SAMTOR: variants seen among roughly 807,000 people sequenced by gnomAD.
SAMTOR encodes S-adenosylmethionine sensor upstream of mTORC1.
chr7:112,877,942 C>T, the SAMTOR span, among the ~76,000 whole-genome samples: 8 of 152,136 alleles, frequency 5.3e-5, no homozygotes, highest in Non-Finnish European at 7.3e-5. Flanking sequence ...TGTTATGCTT[C>T]TTATATAGCC....
chr7:112,878,389 A>C, the SAMTOR span, among the ~76,000 whole-genome samples: 1 of 152,110 alleles, frequency 6.6e-6, no homozygotes, highest in East Asian at 1.9e-4. Context: ...TGAATATAAA[A>C]ATTCTTTGCA....
the SAMTOR span, among the ~76,000 whole-genome samples, chr7:112,839,328 T>C: frequency 3.3e-5 from 5 of 151,822 alleles, no homozygotes; most frequent in African/African-American, 4.8e-5. Flanking sequence ...AACCAATATA[T>C]TTGAGCAAGA....
chr7:112,842,653 T>C, the SAMTOR span, among the ~76,000 whole-genome samples: 1 of 151,982 alleles, frequency 6.6e-6, no homozygotes, highest in South Asian at 2.1e-4. Flanking sequence ...CAGCATAAAA[T>C]CAGTTTGTGA....
At chr7:112,905,672 A>T in the SAMTOR span, among the ~76,000 whole-genome samples, 1 of 152,156 alleles carries the variant, frequency 6.6e-6, no homozygotes, top group Non-Finnish European at 1.5e-5. Flanking sequence ...AGAAGAAAAC[A>T]CATTTATTCT....
the SAMTOR span, among the ~76,000 whole-genome samples, chr7:112,927,592 CAGAGAGAAAGAG>C: frequency 2.6e-5 from 4 of 151,666 alleles, no homozygotes; most frequent in Non-Finnish European, 5.9e-5. Flanking sequence ...AAAAGTGAGA[CAGAGAGAAAGAG>C]AGAGAGAAAG....
chr7:112,847,778 C>CAAAAAAAAAAAAAAAAAAAAAAAAA, the SAMTOR span, among the ~76,000 whole-genome samples: 1 of 151,368 alleles, frequency 6.6e-6, no homozygotes, highest in African/African-American at 2.5e-5. Context: ...AACTCTGTCT[C>CAAAAAAAAAAAAAAAAAAAAAAAAA]AAAAGAAAAG....
At chr7:112,899,736 T>C in the SAMTOR span, among the ~76,000 whole-genome samples, 2 of 138,902 alleles carry the variant, frequency 1.4e-5, no homozygotes, top group Non-Finnish European at 3.0e-5. Flanking sequence ...CACTTCTCAG[T>C]GGAAACCTTA....
chr7:112,863,194 C>T, the SAMTOR span, among the ~76,000 whole-genome samples: 1 of 152,140 alleles, frequency 6.6e-6, no homozygotes, highest in African/African-American at 2.4e-5. Context: ...AAAGAATTCT[C>T]TATTCAATAA....
chr7:112,828,459 T>C, the SAMTOR span, among the ~76,000 whole-genome samples: 1 of 152,178 alleles, frequency 6.6e-6, no homozygotes. Context: ...GTGTGCTTGT[T>C]TCTGAGTTAA....
chr7:112,870,060 C>T, the SAMTOR span, among the ~76,000 whole-genome samples: 14 of 152,158 alleles, frequency 9.2e-5, no homozygotes, highest in South Asian at 1.0e-3. Context: ...TTATGTAAAG[C>T]GATCAAATCT....
the SAMTOR span, among the ~76,000 whole-genome samples, chr7:112,871,547 T>G: frequency 6.6e-6 from 1 of 152,180 alleles, no homozygotes; most frequent in African/African-American, 2.4e-5. Context: ...TTTGTAGTGC[T>G]AAATGCCACA....
chr7:112,916,499 C>A, the SAMTOR span, among the ~76,000 whole-genome samples: 16 of 152,298 alleles, frequency 1.1e-4, no homozygotes, highest in Middle Eastern at 3.4e-3. Context: ...CGGTCTACAG[C>A]TCCCAGCGTG....
the SAMTOR span, chr7:112,821,909 T>G: frequency 6.2e-7 from 1 of 1,613,246 alleles, no homozygotes; most frequent in Non-Finnish European, 8.5e-7. Flanking sequence ...GGTTAGAATA[T>G]TCCTCATCTT....
At chr7:112,934,461 G>A in the SAMTOR span, among the ~76,000 whole-genome samples, 7 of 152,102 alleles carry the variant, frequency 4.6e-5, no homozygotes, top group East Asian at 1.9e-4. Context: ...ACATTTTCCC[G>A]GGAAAGAAAT....
the SAMTOR span, among the ~76,000 whole-genome samples, chr7:112,868,229 T>C: frequency 2.0e-5 from 3 of 152,204 alleles, no homozygotes; most frequent in Admixed American, 6.5e-5. Context: ...TCCCCAAAAA[T>C]GGTGGATTAG....
At chr7:112,871,325 C>T in the SAMTOR span, among the ~76,000 whole-genome samples, 1 of 152,176 alleles carries the variant, frequency 6.6e-6, no homozygotes, top group Non-Finnish European at 1.5e-5. Context: ...AGCATATTCT[C>T]ATATCACAGA....
the SAMTOR span, among the ~76,000 whole-genome samples, chr7:112,905,709 A>T: frequency 2.0e-5 from 3 of 152,138 alleles, no homozygotes; most frequent in African/African-American, 7.2e-5. Flanking sequence ...AAGGTCATTC[A>T]ACAAAATTCA....
the SAMTOR span, among the ~76,000 whole-genome samples, chr7:112,883,358 C>T: frequency 1.3e-5 from 2 of 152,150 alleles, no homozygotes; most frequent in East Asian, 3.8e-4. Flanking sequence ...TGTGTTAAAG[C>T]CCCTCCTTCA....
At chr7:112,926,361 T>C in the SAMTOR span, among the ~76,000 whole-genome samples, 1 of 152,142 alleles carries the variant, frequency 6.6e-6, no homozygotes, top group Non-Finnish European at 1.5e-5. Context: ...GAACTGAAAA[T>C]ACACAGAAAC....
Sources: gnomAD v4.1 joint callset for allele counts (sites outside exome capture counted in the v4.1 genomes callset) on GRCh38, gnomAD v4.1.1 for gene constraint, MANE v1.5 for transcripts, NCBI Gene and HGNC (gene_info 2026-07-23, HGNC 2026-07-21) for gene names.